The following KCNH8 variants were observed in gnomAD, a reference collection of about 807,000 sequenced individuals.
KCNH8 encodes the protein potassium voltage-gated channel subfamily H member 8.
A neutral mutation model predicts 103.6 loss-of-function variants in KCNH8; 70 were observed. That is an observed-to-expected ratio of 0.68 (90% CI 0.56 to 0.82). The LOEUF is 0.82. Ranked by LOEUF, KCNH8 falls within the 40% of genes least tolerant of loss-of-function variation. The pLI, the probability that KCNH8 is intolerant of heterozygous loss-of-function variation, is 0.00. For missense variants in KCNH8, 1,217 were observed against 1,329.9 expected (o/e 0.92, Z 1.32); for synonymous variants, 498 against 489.4 (o/e 1.02, Z -0.23).
intron 1 of KCNH8, among the ~76,000 whole-genome samples, chr3:19,194,639 TAAG>T (rs1006621052): frequency 5.9e-5 from 9 of 151,664 alleles, no homozygotes; most frequent in African/African-American, 1.5e-4. Context: ...AGGGGAAAGA[TAAG>T]GAGGGGGTAG....
chr3:19,505,521 G>A (rs535304387), intron 11 of KCNH8, among the ~76,000 whole-genome samples: 1 of 152,224 alleles, frequency 6.6e-6, no homozygotes, highest in South Asian at 2.1e-4. Flanking sequence ...AGTTTCTACT[G>A]AAAGGTCTGC....
intron 3 of KCNH8, among the ~76,000 whole-genome samples, chr3:19,303,874 G>T (rs9829484): frequency 0.23 from 34,209 of 151,980 alleles, 4,147 homozygotes; most frequent in Middle Eastern, 0.32. Context: ...TCAACCAAGG[G>T]TGCTCCCAAG....
At chr3:19,205,854 G>T (rs1330375612) in intron 1 of KCNH8, among the ~76,000 whole-genome samples, 1 of 151,820 alleles carries the variant, frequency 6.6e-6, no homozygotes, top group African/African-American at 2.4e-5. Context: ...GGAACAGGGG[G>T]TATTTGGTTA....
intron 1 of KCNH8, among the ~76,000 whole-genome samples, chr3:19,205,795 C>G (rs2063708347): frequency 6.6e-6 from 1 of 151,926 alleles, no homozygotes; most frequent in Non-Finnish European, 1.5e-5. Context: ...AGGTGACAAA[C>G]AGTGTGGTGG....
intron 15 of KCNH8, among the ~76,000 whole-genome samples, chr3:19,530,195 C>G (rs949517596): frequency 6.6e-6 from 1 of 152,074 alleles, no homozygotes; most frequent in Non-Finnish European, 1.5e-5. Flanking sequence ...TTAATGGGCA[C>G]AGAAGTACAG....
chr3:19,500,052 A>G (rs1449715571), intron 11 of KCNH8, among the ~76,000 whole-genome samples: 2 of 152,156 alleles, frequency 1.3e-5, no homozygotes, highest in East Asian at 1.9e-4. Context: ...CCCATCTCAC[A>G]GGCAGAGACA....
chr3:19,342,017 T>A (rs1196348598), intron 3 of KCNH8, among the ~76,000 whole-genome samples: 1 of 152,096 alleles, frequency 6.6e-6, no homozygotes, highest in African/African-American at 2.4e-5. Flanking sequence ...ATCTGAATCT[T>A]CATGACAGTG....
At chr3:19,244,814 GT>G (rs138314313) in intron 1 of KCNH8, among the ~76,000 whole-genome samples, 5 of 151,006 alleles carry the variant, frequency 3.3e-5, no homozygotes, top group Non-Finnish European at 5.9e-5. Flanking sequence ...TTGTAATAGG[GT>G]TTTTTTTTGT....
chr3:19,150,908 G>T (rs779585224), intron 1 of KCNH8, among the ~76,000 whole-genome samples: 46 of 152,062 alleles, frequency 3.0e-4, no homozygotes, highest in Non-Finnish European at 4.1e-4. Context: ...TAACATAAGG[G>T]TTGACTTTGG....
At chr3:19,439,901 AG>A (rs1466653402) in intron 8 of KCNH8, among the ~76,000 whole-genome samples, 1 of 152,102 alleles carries the variant, frequency 6.6e-6, no homozygotes, top group Non-Finnish European at 1.5e-5. Context: ...GGAAAGCAAA[AG>A]GAACTGAAGG....
intron 3 of KCNH8, among the ~76,000 whole-genome samples, chr3:19,308,706 CTCTCTCTCT>C (rs2065165993): frequency 1.2e-5 from 1 of 82,148 alleles, no homozygotes; most frequent in African/African-American, 6.3e-5. Flanking sequence ...CTCTCTCTCT[CTCTCTCTCT>C]CTCCCCCTCT....
chr3:19,482,566 G>A (rs1038703021), intron 11 of KCNH8, among the ~76,000 whole-genome samples: 15 of 152,146 alleles, frequency 9.9e-5, no homozygotes, highest in African/African-American at 3.1e-4. Context: ...TAGTAAACAA[G>A]GAAGCAATAA....
In KCNH8 at chr3:19,533,798, T is replaced by G; in HGVS notation, c.3023T>G (p.Phe1008Cys). 6.2e-7 allele frequency: 1 copy of G among 1,614,148 alleles called. No homozygotes were observed. The highest frequency in any genetic ancestry group is 1.1e-5 in the South Asian group (1 of 91,080). ...GTTGTCCAAGAAGGTCATTTGCAAT[T>G]TTTAAGGTGCATCTCTCCACATTCA... ...YQVVQEGHLQ[F>C]LRCISPHSDS... The change falls in exon 16 of 16, where the codon TTT becomes TGT. Residue 1008 changes from phenylalanine (F) to cysteine (C), a missense_variant. Physicochemically the swap from Phe to Cys is radical, Grantham distance 205. Around this residue, in one of 3 missense-constraint regions of KCNH8, gnomAD observed 558 missense variants for 495.8 expected, o/e 1.13. Coordinates refer to ENST00000328405, the MANE Select transcript of KCNH8 (RefSeq NM_144633.3).
At chr3:19,240,846 A>G (rs1021095402) in intron 1 of KCNH8, among the ~76,000 whole-genome samples, 1 of 152,022 alleles carries the variant, frequency 6.6e-6, no homozygotes, top group Non-Finnish European at 1.5e-5. Context: ...CTCCAACTGC[A>G]GTGGAATCCA....
Position 19,535,034 on chromosome 3 carries a change from T to C in KCNH8, c.*935T>C, listed in dbSNP as rs1559376435. 6.6e-6 allele frequency: 1 copy of C among 152,210 alleles called. No individual in the cohort carries two copies. Among genetic ancestry groups the C allele is most frequent in the Non-Finnish European group, 1.5e-5 (1 of 68,042 alleles). 9.4% of individuals were successfully genotyped at this position (152,210 alleles called of 1,614,324 possible). A position where few individuals can be genotyped will look rare whatever the true frequency, so the allele number is the denominator to read the frequency against. On this transcript the variant is annotated 3_prime_UTR_variant, in exon 16 of 16. Transcript: ENST00000328405. ...GCTCCATCTAGGCTCTGCCAACTCA[T>C]GTCAATGACATGATTTAAGGTCGTT...
intron 11 of KCNH8, among the ~76,000 whole-genome samples, chr3:19,487,426 G>A (rs536481950): frequency 6.6e-6 from 1 of 152,120 alleles, no homozygotes; most frequent in Non-Finnish European, 1.5e-5. Context: ...GCAGGAGGTA[G>A]GTGTTCTATG....
intron 2 of KCNH8, among the ~76,000 whole-genome samples, chr3:19,274,562 A>G (rs79171168): frequency 0.054 from 8,168 of 152,156 alleles, 729 homozygotes; most frequent in African/African-American, 0.19. Context: ...TATTAGTTCT[A>G]CTGGTCAATA....
chr3:19,199,723 AG>A (rs35310800), intron 1 of KCNH8, among the ~76,000 whole-genome samples: 6,640 of 151,922 alleles, frequency 0.044, 514 homozygotes, highest in African/African-American at 0.15. Flanking sequence ...CTTATAAACA[AG>A]ATATTTCTTT....
intron 11 of KCNH8, among the ~76,000 whole-genome samples, chr3:19,493,404 C>G (rs1343222900): frequency 6.6e-6 from 1 of 152,058 alleles, no homozygotes; most frequent in Non-Finnish European, 1.5e-5. Context: ...CCATGCTGCT[C>G]TCGTGATAGT....
Sources: allele counts gnomAD v4.1 joint callset (sites outside exome capture counted in the v4.1 genomes callset), GRCh38; gene constraint gnomAD v4.1.1; regional missense constraint gnomAD v4.1.1; transcripts MANE v1.5; gene names NCBI Gene and HGNC (gene_info 2026-07-23, HGNC 2026-07-21).